The following SEMA4D variants were observed in gnomAD, a reference collection of about 807,000 sequenced individuals.
SEMA4D encodes the protein semaphorin 4D, also known as semaphorin-4D.
SEMA4D carries 22 observed loss-of-function variants against 74.8 expected under a neutral mutation model. That is an observed-to-expected ratio of 0.29 (90% CI 0.21 to 0.42). SEMA4D has a LOEUF of 0.42. SEMA4D is among the 10% of genes least tolerant of loss of function. The pLI is 1.00. For missense variants in SEMA4D, 937 were observed against 1,118.4 expected (o/e 0.84, Z 2.31); for synonymous variants, 445 against 463.7 (o/e 0.96, Z 0.52).
rs1438060387 is a variant in SEMA4D, at chr9:89,386,448, C to T, written c.1365G>A (p.Glu455=). 1 of 1,614,100 alleles carries T rather than the reference C, an allele frequency of 6.2e-7. No individual in the cohort carries two copies. Among genetic ancestry groups the T allele is most frequent in the South Asian group, 1.1e-5 (1 of 91,086 alleles). Residue 455 remains glutamate (E), a synonymous_variant, in exon 13 of 16, where the codon GAG becomes GAA. Transcript: ENST00000422704. The stretch of plus-strand genomic sequence containing the variant: ...TCTCCTCGATGATGTGAACAGCGTG[C>T]TCGAGGCTGATGGCTTTGTGCAGAG... ...RGALHKAISL[E]HAVHIIEETQ...
intron 2 of SEMA4D, among the ~76,000 whole-genome samples, chr9:89,444,900 A>G (rs747623719): frequency 6.6e-6 from 1 of 152,158 alleles, no homozygotes; most frequent in African/African-American, 2.4e-5. Flanking sequence ...ATCAATATCT[A>G]TAACAAATCC....
chr9:89,487,750 A>T (rs965087721), intron 1 of SEMA4D, among the ~76,000 whole-genome samples: 2 of 152,242 alleles, frequency 1.3e-5, no homozygotes, highest in Non-Finnish European at 1.5e-5. Context: ...TAAAATTTTT[A>T]AAATCCATGT....
chr9:89,362,671 GGA>G (rs150677857), intron 18 of SEMA4D, among the ~76,000 whole-genome samples: 516 of 152,366 alleles, frequency 3.4e-3, no homozygotes, highest in Non-Finnish European at 6.1e-3. Context: ...CAGGAGGGCT[GGA>G]GAGAGGGAGC....
chr9:89,371,288 GAC>G (rs1588107352), intron 16 of SEMA4D, among the ~76,000 whole-genome samples: 1 of 139,248 alleles, frequency 7.2e-6, no homozygotes, highest in African/African-American at 2.7e-5. Flanking sequence ...TGTGGTGTGT[GAC>G]GGTGTGTGTG....
At chr9:89,470,681 T>C (rs1859949229) in intron 1 of SEMA4D, among the ~76,000 whole-genome samples, 1 of 152,172 alleles carries the variant, frequency 6.6e-6, no homozygotes, top group African/African-American at 2.4e-5. Context: ...TTACAGCAGT[T>C]CTGTTCAAAC....
chr9:89,451,053 ACT>A (rs1174790191), intron 2 of SEMA4D, among the ~76,000 whole-genome samples: 2 of 151,994 alleles, frequency 1.3e-5, no homozygotes, highest in Admixed American at 6.6e-5. Context: ...CTTTTCTTCT[ACT>A]CTCTGCTTGG....
intron 2 of SEMA4D, 126 bp from the exon 3 acceptor site, chr9:89,405,825 C>T (rs1201074218): frequency 2.3e-6 from 3 of 1,291,302 alleles, no homozygotes; most frequent in Non-Finnish European, 2.9e-6. Context: ...ATACGGAAGG[C>T]AGCGGGGGAC....
chr9:89,487,114 T>C (rs945955710), intron 1 of SEMA4D, among the ~76,000 whole-genome samples: 42 of 150,708 alleles, frequency 2.8e-4, no homozygotes, highest in Non-Finnish European at 3.7e-4. Context: ...CTTAATAAAA[T>C]TGCAGCAAAT....
intron 2 of SEMA4D, among the ~76,000 whole-genome samples, chr9:89,443,415 G>C (rs1371864590): frequency 6.6e-6 from 1 of 152,154 alleles, no homozygotes; most frequent in Non-Finnish European, 1.5e-5. Flanking sequence ...CACTGACCTC[G>C]AAGCGGGTGT....
intron 1 of SEMA4D, chr9:89,479,551 G>A (rs866436735): frequency 2.0e-4 from 37 of 181,956 alleles, no homozygotes; most frequent in Admixed American, 8.9e-4. Flanking sequence ...GGACCCTCGC[G>A]GTGAGTGTTA....
intron 2 of SEMA4D, among the ~76,000 whole-genome samples, chr9:89,443,982 C>A (rs1378059042): frequency 6.6e-6 from 1 of 152,206 alleles, no homozygotes; most frequent in Non-Finnish European, 1.5e-5. Context: ...CCACTGCATG[C>A]CCATGCATCC....
intron 16 of SEMA4D, among the ~76,000 whole-genome samples, chr9:89,366,130 A>G (rs1181074468): frequency 6.6e-6 from 1 of 152,250 alleles, no homozygotes; most frequent in Non-Finnish European, 1.5e-5. Context: ...TCGAAGTGCC[A>G]TCGAAGAATA....
At chr9:89,448,119 T>C (rs1454721518) in intron 2 of SEMA4D, among the ~76,000 whole-genome samples, 1 of 152,188 alleles carries the variant, frequency 6.6e-6, no homozygotes, top group Non-Finnish European at 1.5e-5. Context: ...GGACTACAGG[T>C]GCATTTCACC....
intron 13 of SEMA4D, chr9:89,385,312 G>A (rs1441818756): frequency 2.3e-5 from 23 of 985,276 alleles, no homozygotes; most frequent in Non-Finnish European, 6.0e-6. Context: ...ATTCTAATGA[G>A]AAGTCCACAT....
rs1271825158 is a variant in SEMA4D, at chr9:89,396,796, T to C, written c.355A>G (p.Ser119Gly). ...CCACACACGTAAAGGGAAGTGGCGC[T>C]GAGTGGCTGCAGCACCCGGATGTAG... ...LNYIRVLQPL[S>G]ATSLYVCGTN... Residue 119 changes from serine to glycine, a missense_variant, in exon 6 of 16, where the codon AGC becomes GGC. Physicochemically the swap from Ser to Gly is moderately conservative, Grantham distance 56. Coordinates refer to ENST00000422704, the MANE Select transcript of SEMA4D (RefSeq NM_001371194.2). The C allele has an allele frequency of 1.4e-5, 22 of 1,614,016 alleles. No homozygotes were observed. Among genetic ancestry groups the C allele is most frequent in the Non-Finnish European group, 1.8e-5 (21 of 1,179,940 alleles).
rs892056333 is a variant in SEMA4D at position 89,484,816 on chromosome 9, G to C, written c.-310+13103C>G. ...TGTGGATGTATTGTGTGGTGGGTGT[G>C]TGGTGTGTGGATGTATTGTGTGGTG... On this transcript the variant is annotated intron_variant, in intron 1 of 15. Coordinates refer to ENST00000422704, the MANE Select transcript of SEMA4D (RefSeq NM_001371194.2). The surrounding 1 kb of genome is among the most constrained non-coding windows in gnomAD (Gnocchi z 4.1). Among the ~76,000 whole-genome samples, 31 of 150,896 alleles carry C rather than the reference G, an allele frequency of 2.1e-4. 1 individual carries two copies. Among genetic ancestry groups the C allele is most frequent in the Non-Finnish European group, 1.5e-4 (10 of 67,634 alleles).
chr9:89,463,231 T>C (rs11265909), intron 1 of SEMA4D, among the ~76,000 whole-genome samples: 48,844 of 151,822 alleles, frequency 0.32, 8,052 homozygotes, highest in East Asian at 0.37. Flanking sequence ...AATCTTCCTC[T>C]CCAAACCACC....
intron 1 of SEMA4D, among the ~76,000 whole-genome samples, chr9:89,481,103 G>A (rs563785645): frequency 6.6e-6 from 1 of 152,382 alleles, no homozygotes; most frequent in South Asian, 2.1e-4. Context: ...GGCACTGCAT[G>A]CTCTCCGAGG....
At chr9:89,375,065 A>C (rs987896287), downstream of SEMA4D, among the ~76,000 whole-genome samples, 1 of 152,172 alleles carries the variant, frequency 6.6e-6, no homozygotes, top group East Asian at 1.9e-4. Context: ...AAATAAATAA[A>C]TAAATAACCA....
Sources: gnomAD v4.1 joint callset for allele counts (sites outside exome capture counted in the v4.1 genomes callset) on GRCh38, gnomAD v4.1.1 for gene constraint, Gnocchi (gnomAD v3.1) non-coding constraint, MANE v1.5 for transcripts, NCBI Gene and HGNC (gene_info 2026-07-23, HGNC 2026-07-21) for gene names.